Variants in CSMD1 observed in about 807,000 individuals in gnomAD.
CSMD1 encodes CUB and sushi domain-containing protein 1.
Under a neutral mutation model 417.5 loss-of-function variants are expected in CSMD1, and 213 were observed. The ratio of observed to expected loss-of-function variants is 0.51; its 90% CI spans 0.46 to 0.57. CSMD1 has a LOEUF of 0.57. CSMD1 is among the 20% of genes least tolerant of loss of function. The pLI is 0.00. For synonymous variants in CSMD1, 2,862 were observed against 1,736.8 expected (o/e 1.65, Z -16.11); for missense variants, 6,923 against 4,529.7 (o/e 1.53, Z -15.17).
At chr8:4,247,914 A>G (rs1802811332) in intron 3 of CSMD1, among the ~76,000 whole-genome samples, 1 of 152,150 alleles carries the variant, frequency 6.6e-6, no homozygotes, top group African/African-American at 2.4e-5. Context: ...CCAGATATTA[A>G]TGTGATGTAG....
intron 1 of CSMD1, among the ~76,000 whole-genome samples, chr8:4,951,334 A>G (rs1360403694): frequency 1.3e-5 from 2 of 152,036 alleles, no homozygotes; most frequent in African/African-American, 4.8e-5. Context: ...CCATATTTCT[A>G]TTACTTGAGC....
intron 1 of CSMD1, among the ~76,000 whole-genome samples, chr8:4,876,849 T>A (rs1433803566): frequency 1.3e-5 from 2 of 151,988 alleles, no homozygotes; most frequent in East Asian, 3.9e-4. Context: ...ATCAAGAAGA[T>A]TTTCACAACA....
intron 68 of CSMD1, among the ~76,000 whole-genome samples, chr8:2,947,595 A>T (rs79907165): frequency 0.028 from 4,208 of 152,298 alleles, 187 homozygotes; most frequent in African/African-American, 0.094. Flanking sequence ...GTAATAGCAA[A>T]CTGATAGTTC....
chr8:3,041,450 C>G (rs1811092882), intron 50 of CSMD1, among the ~76,000 whole-genome samples: 1 of 151,994 alleles, frequency 6.6e-6, no homozygotes, highest in African/African-American at 2.4e-5. Context: ...CCTTGAAAAC[C>G]TTTTTCTAGC....
At position 4,310,894 on chromosome 8, in the gene CSMD1, T is replaced by A. The variant is rs138319433; in HGVS notation, c.415+109059A>T. Among the ~76,000 whole-genome samples the A allele has an allele frequency of 8.9e-4, 135 of 152,204 alleles. No homozygotes were observed. The Middle Eastern group carries it at 0.014, about 15-fold the overall frequency. ...AACTTACATGTGGCCAACAAGCATA[T>A]GAAAAAAAGCTCAGTATCACTAATC... On this transcript the variant is annotated intron_variant, in intron 3 of 69. Coordinates refer to ENST00000635120, the MANE Select transcript of CSMD1 (RefSeq NM_033225.6).
At chr8:3,512,483 G>C (rs770361877) in intron 10 of CSMD1, among the ~76,000 whole-genome samples, 3 of 152,066 alleles carry the variant, frequency 2.0e-5, no homozygotes, top group Non-Finnish European at 4.4e-5. Flanking sequence ...TGCTGTAAGA[G>C]GCACTGAAAG....
At chr8:3,417,489 G>C (rs1478443323) in intron 12 of CSMD1, among the ~76,000 whole-genome samples, 1 of 152,088 alleles carries the variant, frequency 6.6e-6, no homozygotes, top group Non-Finnish European at 1.5e-5. Context: ...TTTCTCATGT[G>C]CTATTTGACT....
chr8:4,113,208 A>G (rs1237207737), intron 3 of CSMD1, among the ~76,000 whole-genome samples: 2 of 152,066 alleles, frequency 1.3e-5, no homozygotes, highest in Admixed American at 6.6e-5. Flanking sequence ...TCGGACAGTT[A>G]AAAATCCTAC....
At chr8:4,005,942 A>C (rs570093628) in intron 4 of CSMD1, among the ~76,000 whole-genome samples, 9 of 152,290 alleles carry the variant, frequency 5.9e-5, no homozygotes, top group African/African-American at 2.2e-4. Context: ...ATTTATGTTA[A>C]TTAATTTATT....
intron 25 of CSMD1, among the ~76,000 whole-genome samples, chr8:3,293,235 C>G (rs1011633453): frequency 6.6e-6 from 1 of 152,150 alleles, no homozygotes; most frequent in South Asian, 2.1e-4. Context: ...GTAACCGGAC[C>G]TTTCTCTCTG....
chr8:3,850,730 C>G (rs2954227), intron 5 of CSMD1, among the ~76,000 whole-genome samples: 27,870 of 151,768 alleles, frequency 0.18, 2,745 homozygotes, highest in East Asian at 0.4. Flanking sequence ...AAAAATAAAA[C>G]AATAAAAAAA....
chr8:3,507,768 T>A (rs1382722780), intron 10 of CSMD1, among the ~76,000 whole-genome samples: 2 of 152,198 alleles, frequency 1.3e-5, no homozygotes, highest in Non-Finnish European at 2.9e-5. Flanking sequence ...ATGATGAGCA[T>A]TTTTTCATGT....
intron 7 of CSMD1, among the ~76,000 whole-genome samples, chr8:3,676,271 T>C (rs2117571734): frequency 6.6e-6 from 1 of 152,238 alleles, no homozygotes; most frequent in East Asian, 1.9e-4. Flanking sequence ...TGGCCCTAAG[T>C]ATTTACCAAC....
chr8:3,919,201 AAAAAAAAAAG>A (rs1429611665), intron 5 of CSMD1, among the ~76,000 whole-genome samples: 3 of 149,112 alleles, frequency 2.0e-5, no homozygotes, highest in African/African-American at 7.7e-5. Context: ...AAAAAAAAAA[AAAAAAAAAAG>A]AAAGAAATCA....
intron 7 of CSMD1, among the ~76,000 whole-genome samples, chr8:3,707,469 C>T (rs116956442): frequency 0.044 from 6,626 of 152,258 alleles, 216 homozygotes; most frequent in South Asian, 0.071. Flanking sequence ...ATAGAAAACA[C>T]AACCCAATGG....
At chr8:4,250,531 A>T (rs1802996963) in intron 3 of CSMD1, among the ~76,000 whole-genome samples, 3 of 152,192 alleles carry the variant, frequency 2.0e-5, no homozygotes, top group African/African-American at 7.2e-5. Flanking sequence ...ATCGCCCATG[A>T]AGTCAACCCT....
intron 3 of CSMD1, among the ~76,000 whole-genome samples, chr8:4,138,887 A>G (rs1803602749): frequency 6.6e-6 from 1 of 152,200 alleles, no homozygotes; most frequent in East Asian, 1.9e-4. Flanking sequence ...GTTAATTTAT[A>G]TTTAATACAA....
intron 3 of CSMD1, among the ~76,000 whole-genome samples, chr8:4,068,753 A>T (rs1012361373): frequency 2.6e-5 from 4 of 152,230 alleles, no homozygotes; most frequent in Non-Finnish European, 5.9e-5. Context: ...TCTGTACCAT[A>T]AAATAATGAT....
At chr8:3,663,341 T>A (rs758517190) in intron 7 of CSMD1, among the ~76,000 whole-genome samples, 1 of 152,144 alleles carries the variant, frequency 6.6e-6, no homozygotes, top group Non-Finnish European at 1.5e-5. Flanking sequence ...TGCGTTCTGT[T>A]TGGAACATGG....
Sources: allele counts gnomAD v4.1 joint callset (sites outside exome capture counted in the v4.1 genomes callset), GRCh38; gene constraint gnomAD v4.1.1; transcripts MANE v1.5; gene names NCBI Gene and HGNC (gene_info 2026-07-23, HGNC 2026-07-21).